MAP7: variants seen among roughly 807,000 people sequenced by gnomAD.
MAP7 encodes the protein microtubule associated protein 7, also known as ensconsin.
Under a neutral mutation model 94.8 loss-of-function variants are expected in MAP7, and 52 were observed. The ratio of observed to expected loss-of-function variants is 0.55; its 90% CI spans 0.44 to 0.69. The LOEUF (loss-of-function observed/expected upper bound fraction) is 0.69, where lower values mean the gene tolerates loss of function less well. Ranked by LOEUF, MAP7 falls within the 30% of genes least tolerant of loss-of-function variation. The probability of loss-of-function intolerance (pLI) is 0.00; values close to 1 mark genes in which losing one functional copy is unlikely to be tolerated. For missense variants in MAP7, 940 were observed against 964.6 expected (o/e 0.97, Z 0.34); for synonymous variants, 350 against 357.0 (o/e 0.98, Z 0.22).
chr6:136,443,529 G>A (rs1182835522), intron 1 of MAP7, among the ~76,000 whole-genome samples: 1 of 142,448 alleles, frequency 7.0e-6, no homozygotes, highest in African/African-American at 2.7e-5. Context: ...TTGGCTCACT[G>A]CAACCTCCAC....
chr6:136,424,758 T>C (rs1470491913), intron 1 of MAP7, among the ~76,000 whole-genome samples: 1 of 152,230 alleles, frequency 6.6e-6, no homozygotes, highest in Non-Finnish European at 1.5e-5. Flanking sequence ...GTCCAACAAA[T>C]GACCTGTCAA....
intron 3 of MAP7, among the ~76,000 whole-genome samples, chr6:136,401,735 C>G (rs1202727960): frequency 6.7e-6 from 1 of 149,742 alleles, no homozygotes; most frequent in African/African-American, 2.5e-5. Flanking sequence ...ACATATGTAA[C>G]AAACTTGAAC....
intron 1 of MAP7, among the ~76,000 whole-genome samples, chr6:136,452,655 TGACTGTCGTGCCTCA>T (rs1801525338): frequency 6.6e-6 from 1 of 152,032 alleles, no homozygotes; most frequent in Admixed American, 6.6e-5. Context: ...TAGGTTCAAG[TGACTGTCGTGCCTCA>T]GCCTCCCGAG....
intron 1 of MAP7, among the ~76,000 whole-genome samples, chr6:136,548,105 C>A (rs1322963392): frequency 7.7e-6 from 1 of 129,702 alleles, no homozygotes; most frequent in Non-Finnish European, 1.7e-5. Context: ...CCACCCCCCC[C>A]CACCCCCCCA....
At chr6:136,505,273 GTGTGTATATATA>G (rs1474005113) in intron 1 of MAP7, among the ~76,000 whole-genome samples, 25 of 69,842 alleles carry the variant, frequency 3.6e-4, no homozygotes, top group East Asian at 2.1e-3. Context: ...GTGTGTGTGT[GTGTGTATATATA>G]TATATATATA....
At chr6:136,529,798 C>T (rs1277551917) in intron 1 of MAP7, among the ~76,000 whole-genome samples, 1 of 152,210 alleles carries the variant, frequency 6.6e-6, no homozygotes, top group African/African-American at 2.4e-5. Context: ...CCCCGAGCAA[C>T]TGCAGGCCCC....
chr6:136,477,107 T>A (rs1289398013), intron 1 of MAP7, among the ~76,000 whole-genome samples: 1 of 152,078 alleles, frequency 6.6e-6, no homozygotes, highest in Admixed American at 6.5e-5. Context: ...AAAGGAAAAA[T>A]TGGTAACCTG....
intron 1 of MAP7, among the ~76,000 whole-genome samples, chr6:136,442,730 A>G (rs1402973001): frequency 6.6e-6 from 1 of 152,222 alleles, no homozygotes; most frequent in East Asian, 1.9e-4. Context: ...GCAAAACACG[A>G]AAGTTCTGGG....
chr6:136,355,562 CATTACATTATAAAATTACATTATAAA>C (rs3839506), intron 16 of MAP7, among the ~76,000 whole-genome samples: 1 of 152,008 alleles, frequency 6.6e-6, no homozygotes, highest in East Asian at 1.9e-4. Flanking sequence ...TAAAATGTTA[CATTACATTATAAAATTACATTATAAA>C]ATTACATTAT....
At chr6:136,514,410 C>A (rs1824148057) in intron 1 of MAP7, among the ~76,000 whole-genome samples, 2 of 151,780 alleles carry the variant, frequency 1.3e-5, no homozygotes, top group South Asian at 2.1e-4. Flanking sequence ...CATGGCGAAA[C>A]CCTGTCTCCA....
In MAP7 at chr6:136,496,891, C is replaced by T. The variant is rs187940264; in HGVS notation, c.67+53451G>A. ...ATTGCTTGAGCCCAGGAGGTGGAGG[C>T]TGCAGTAAGCGGAGATCGCGCCACT... On this transcript the variant is annotated intron_variant, in intron 1 of 17. Coordinates refer to ENST00000354570, the MANE Select transcript of MAP7 (RefSeq NM_003980.6). Among the ~76,000 whole-genome samples the T allele has an allele frequency of 6.0e-5, 9 of 151,192 alleles. No homozygotes were observed. The East Asian group carries it at 1.7e-3, about 29-fold the overall frequency.
At chr6:136,444,935 G>A (rs1173375158) in intron 1 of MAP7, among the ~76,000 whole-genome samples, 2 of 152,142 alleles carry the variant, frequency 1.3e-5, no homozygotes, top group African/African-American at 4.8e-5. Context: ...AAAGAGGTCT[G>A]ACCCTGCTAC....
chr6:136,426,034 G>A (rs1793031159), intron 1 of MAP7, among the ~76,000 whole-genome samples: 1 of 152,138 alleles, frequency 6.6e-6, no homozygotes. Context: ...TGGAGCTTCT[G>A]ATTCCTCCAA....
chr6:136,385,505 C>T (rs1582749916), intron 5 of MAP7, among the ~76,000 whole-genome samples: 1 of 152,266 alleles, frequency 6.6e-6, no homozygotes, highest in Middle Eastern at 3.4e-3. Flanking sequence ...ATTGTGTCCA[C>T]ACGCAGGCCT....
chr6:136,507,366 G>A (rs936215274), intron 1 of MAP7, among the ~76,000 whole-genome samples: 3 of 150,652 alleles, frequency 2.0e-5, no homozygotes, highest in African/African-American at 7.3e-5. Context: ...GTAGTAACCT[G>A]CCTAAAGTCA....
At chr6:136,501,118 G>C (rs1175641365) in intron 1 of MAP7, among the ~76,000 whole-genome samples, 2 of 152,128 alleles carry the variant, frequency 1.3e-5, no homozygotes, top group African/African-American at 4.8e-5. Flanking sequence ...TTCCAAAGTA[G>C]AACTAAAAAC....
intron 2 of MAP7, among the ~76,000 whole-genome samples, chr6:136,415,556 G>A (rs1789108231): frequency 6.6e-6 from 1 of 152,136 alleles, no homozygotes; most frequent in Non-Finnish European, 1.5e-5. Flanking sequence ...GCAGTAATGA[G>A]GCAATGCCCG....
chr6:136,542,551 AT>A (rs1829409773), intron 1 of MAP7, among the ~76,000 whole-genome samples: 4 of 152,228 alleles, frequency 2.6e-5, no homozygotes, highest in African/African-American at 9.6e-5. Context: ...CTAGAAAGCC[AT>A]ATCTCAAGGG....
At chr6:136,389,243 T>C in intron 4 of MAP7, 111 bp downstream of exon 4, 1 of 1,460,042 alleles carries the variant, frequency 6.8e-7, no homozygotes, top group Non-Finnish European at 9.0e-7. Context: ...AGCTGATCAC[T>C]CTGAAACCAT....
Sources: allele counts gnomAD v4.1 joint callset (sites outside exome capture counted in the v4.1 genomes callset), GRCh38; gene constraint gnomAD v4.1.1; transcripts MANE v1.5; gene names NCBI Gene and HGNC (gene_info 2026-07-23, HGNC 2026-07-21).